KLHL1: variants seen among roughly 807,000 people sequenced by gnomAD.
KLHL1 encodes kelch like family member 1, also known as kelch-like protein 1.
KLHL1 carries 47 observed loss-of-function variants against 77.7 expected under a neutral mutation model. The ratio of observed to expected loss-of-function variants is 0.60; its 90% CI spans 0.48 to 0.77. The LOEUF is 0.77. Among genes scored for constraint, KLHL1 ranks in the 30% least tolerant of loss-of-function variants. The pLI, the probability that KLHL1 is intolerant of heterozygous loss-of-function variation, is 0.00. For missense variants in KLHL1, 925 were observed against 910.8 expected (o/e 1.02, Z -0.20); for synonymous variants, 360 against 325.2 (o/e 1.11, Z -1.15).
intron 4 of KLHL1, among the ~76,000 whole-genome samples, chr13:69,935,234 C>CCACTGGTGAACTTGGTACATAGTTCACA (rs1883146877): frequency 1.4e-5 from 2 of 147,898 alleles, no homozygotes; most frequent in East Asian, 2.0e-4. Flanking sequence ...CATAGTTCAC[C>CCACTGGTGAACTTGGTACATAGTTCACA]CACTGGTGAA....
At chr13:70,043,408 A>G (rs901530519) in intron 1 of KLHL1, among the ~76,000 whole-genome samples, 23 of 152,174 alleles carry the variant, frequency 1.5e-4, no homozygotes, top group African/African-American at 5.5e-4. Flanking sequence ...TTATTATTGA[A>G]GAAAGAAAAA....
chr13:70,086,590 AAAAGAAAGAAAGAAAG>A (rs869169817), intron 1 of KLHL1, among the ~76,000 whole-genome samples: 12,234 of 84,696 alleles, frequency 0.14, 1,393 homozygotes, highest in Middle Eastern at 0.18. Flanking sequence ...AAAAAAAAAA[AAAAGAAAGAAAGAAAG>A]AAAGAAAGAA....
chr13:69,767,086 A>G (rs552119805), intron 7 of KLHL1, among the ~76,000 whole-genome samples: 1 of 152,312 alleles, frequency 6.6e-6, no homozygotes, highest in Non-Finnish European at 1.5e-5. Flanking sequence ...AAAAGATACT[A>G]GGTGTAGATA....
intron 8 of KLHL1, 95 bp from the exon 9 acceptor site, chr13:69,719,676 C>T: frequency 1.2e-6 from 1 of 857,348 alleles, no homozygotes; most frequent in Non-Finnish European, 1.8e-6. Flanking sequence ...CAGTATGAGG[C>T]TCAAACGTGT....
chr13:69,887,286 T>A (rs1006090843), intron 4 of KLHL1, among the ~76,000 whole-genome samples: 3 of 152,142 alleles, frequency 2.0e-5, no homozygotes, highest in African/African-American at 7.2e-5. Flanking sequence ...AAATTTTCAG[T>A]CTTCTATTTC....
chr13:70,023,658 T>C (rs1302554270), intron 1 of KLHL1, among the ~76,000 whole-genome samples: 2 of 151,892 alleles, frequency 1.3e-5, no homozygotes, highest in African/African-American at 4.8e-5. Flanking sequence ...TCCTTTCTTG[T>C]TTTGTCCCTG....
At chr13:69,864,345 C>T (rs1367214481) in intron 5 of KLHL1, among the ~76,000 whole-genome samples, 3 of 151,678 alleles carry the variant, frequency 2.0e-5, no homozygotes, top group Non-Finnish European at 4.4e-5. Context: ...CATAGGTAAA[C>T]ATATATGCAT....
intron 9 of KLHL1, among the ~76,000 whole-genome samples, chr13:69,709,624 C>A (rs563136141): frequency 2.3e-4 from 31 of 135,974 alleles, no homozygotes; most frequent in Non-Finnish European, 4.2e-4. Flanking sequence ...TTTTTATTAG[C>A]AGAATAATAA....
At chr13:69,986,843 C>T (rs1461417233) in intron 1 of KLHL1, among the ~76,000 whole-genome samples, 2 of 151,908 alleles carry the variant, frequency 1.3e-5, no homozygotes, top group African/African-American at 4.8e-5. Flanking sequence ...AAACTTCTGA[C>T]ATACTTATTA....
chr13:69,772,283 G>A (rs1191446111), intron 7 of KLHL1, among the ~76,000 whole-genome samples: 1 of 151,784 alleles, frequency 6.6e-6, no homozygotes, highest in Non-Finnish European at 1.5e-5. Context: ...TATAAATATA[G>A]TATTTTCTCT....
At chr13:69,755,413 T>C (rs9564603) in intron 7 of KLHL1, among the ~76,000 whole-genome samples, 30,015 of 151,926 alleles carry the variant, frequency 0.2, 3,745 homozygotes, top group South Asian at 0.3. Context: ...CTTCTCTTTA[T>C]AGATTACCCA....
Position 70,069,705 on chromosome 13 carries a change from C to T in KLHL1, c.497+37498G>A, listed in dbSNP as rs561646815. 8.5e-5 allele frequency among the ~76,000 whole-genome samples: 13 copies of T among 152,110 alleles called. No individual in the cohort carries two copies. In the South Asian group the frequency reaches 1.0e-3, roughly 12 times the overall value. On this transcript the variant is annotated intron_variant, in intron 1 of 10. Transcript: ENST00000377844. ...TGAAGATTTCCTTTAATAGGCTCAT[C>T]GGAAGACTGAACAAAACCAAGGAAA... is the stretch of plus-strand genomic sequence containing the variant.
chr13:69,701,596 C>T lies in KLHL1; in HGVS notation c.*106G>A, dbSNP rs1593755820. On this transcript the variant is annotated 3_prime_UTR_variant, in exon 11 of 11. Transcript: ENST00000377844. ...CATCAGTAGGTAACGCTACAGAGAT[C>T]CTTGTTCTTGAAGAGTTTTCATCTC... is the stretch of plus-strand genomic sequence containing the variant. 4.0e-6 allele frequency: 3 copies of T among 755,652 alleles called. No homozygotes were observed. In the Admixed American group the frequency reaches 7.5e-5, roughly 19 times the overall value. 46.8% of individuals were successfully genotyped at this position (755,652 alleles called of 1,614,324 possible). A position where few individuals can be genotyped will look rare whatever the true frequency, so the allele number is the denominator to read the frequency against.
intron 5 of KLHL1, among the ~76,000 whole-genome samples, chr13:69,851,416 G>A (rs1030146208): frequency 6.6e-6 from 1 of 151,632 alleles, no homozygotes; most frequent in African/African-American, 2.4e-5. Flanking sequence ...AAGAAAGTAC[G>A]TTGCACATTC....
chr13:70,024,474 G>A (rs1885881910), intron 1 of KLHL1, among the ~76,000 whole-genome samples: 1 of 151,770 alleles, frequency 6.6e-6, no homozygotes, highest in African/African-American at 2.4e-5. Context: ...TCTTACAGAA[G>A]TCCCCCTTGC....
At chr13:70,026,567 C>T (rs577263811) in intron 1 of KLHL1, among the ~76,000 whole-genome samples, 1 of 152,114 alleles carries the variant, frequency 6.6e-6, no homozygotes, top group African/African-American at 2.4e-5. Context: ...TTACTTAACC[C>T]ATTTGGGTCC....
intron 1 of KLHL1, among the ~76,000 whole-genome samples, chr13:70,078,763 T>C (rs1887322536): frequency 6.6e-6 from 1 of 152,150 alleles, no homozygotes. Flanking sequence ...TTTTTAAAAA[T>C]TATAAATATA....
At chr13:69,978,415 G>T (rs536102517) in intron 1 of KLHL1, among the ~76,000 whole-genome samples, 4 of 151,450 alleles carry the variant, frequency 2.6e-5, no homozygotes, top group South Asian at 2.1e-4. Context: ...TTTAAATAGG[G>T]TTTGGGATAA....
intron 5 of KLHL1, among the ~76,000 whole-genome samples, chr13:69,848,481 G>A (rs1879559077): frequency 1.3e-5 from 2 of 151,394 alleles, no homozygotes; most frequent in South Asian, 4.2e-4. Flanking sequence ...ATTGAATCTT[G>A]AAATTTTAAG....
Sources: allele counts gnomAD v4.1 joint callset (sites outside exome capture counted in the v4.1 genomes callset), GRCh38; gene constraint gnomAD v4.1.1; transcripts MANE v1.5; gene names NCBI Gene and HGNC (gene_info 2026-07-23, HGNC 2026-07-21).